OTOA: variants seen among roughly 807,000 people sequenced by gnomAD.
OTOA encodes the protein otoancorin.
Under a neutral mutation model 110.8 loss-of-function variants are expected in OTOA, and 70 were observed. The ratio of observed to expected loss-of-function variants is 0.63; its 90% CI spans 0.52 to 0.77. The LOEUF is 0.77. Among genes scored for constraint, OTOA ranks in the 30% least tolerant of loss-of-function variants. The pLI, the probability that OTOA is intolerant of heterozygous loss-of-function variation, is 0.00. For synonymous variants in OTOA, 373 were observed against 431.5 expected, an observed-to-expected ratio of 0.86 and a Z score of 1.68; for missense variants, 917 against 1,075.8, an observed-to-expected ratio of 0.85 and a Z score of 2.06.
At chr16:21,708,298 A>G (rs999467956) in intron 12 of OTOA, among the ~76,000 whole-genome samples, 2 of 152,074 alleles carry the variant, frequency 1.3e-5, no homozygotes, top group Admixed American at 6.5e-5. Flanking sequence ...ACAGTGCACA[A>G]TAGGGTTTGC....
chr16:21,721,135 G>T (rs8055838), intron 17 of OTOA, among the ~76,000 whole-genome samples: 16,155 of 150,904 alleles, frequency 0.11, 1,078 homozygotes, highest in South Asian at 0.16. Context: ...GGCTGGTCTT[G>T]AACTCCTGAC....
intron 11 of OTOA, chr16:21,704,860 G>T: frequency 1.3e-6 from 1 of 765,488 alleles, no homozygotes. Flanking sequence ...ACAAGGTGAT[G>T]CTGGGAGGTG....
At chr16:21,669,247 A>G (rs6497560) in intron 1 of OTOA, among the ~76,000 whole-genome samples, 65,335 of 151,696 alleles carry the variant, frequency 0.43, 16,081 homozygotes, top group African/African-American at 0.68. Context: ...GGAGGTTGAG[A>G]CACAAGAATC....
At chr16:21,736,437 T>C (rs1567400475) in intron 22 of OTOA, 47 bp downstream of exon 22, 14 of 1,613,200 alleles carry the variant, frequency 8.7e-6, no homozygotes, top group Non-Finnish European at 1.2e-5. Flanking sequence ...TAGTAATTAA[T>C]GTTTTGGGCA....
chr16:21,717,125 A>G, intron 15 of OTOA, 78 bp downstream of exon 15: 9 of 1,575,186 alleles, frequency 5.7e-6, no homozygotes, highest in Non-Finnish European at 7.8e-6. Flanking sequence ...TTTTAAGGTT[A>G]ATTTGATAAA....
At chr16:21,707,637 CTT>C (rs1279594397) in intron 12 of OTOA, among the ~76,000 whole-genome samples, 30 of 103,108 alleles carry the variant, frequency 2.9e-4, no homozygotes, top group Non-Finnish European at 5.7e-4. Flanking sequence ...TTCTTTCTTT[CTT>C]TCTTTCTTTC....
intron 21 of OTOA, among the ~76,000 whole-genome samples, chr16:21,731,198 T>C (rs1567396983): frequency 6.6e-6 from 1 of 152,232 alleles, no homozygotes; most frequent in Non-Finnish European, 1.5e-5. Context: ...CACTCTGCTA[T>C]TAGTGTGCAT....
intron 9 of OTOA, among the ~76,000 whole-genome samples, chr16:21,693,423 A>T (rs1344600134): frequency 6.6e-6 from 1 of 152,220 alleles, no homozygotes; most frequent in Non-Finnish European, 1.5e-5. Flanking sequence ...ATTATGTATC[A>T]ATAGCTGAAG....
chr16:21,692,321 C>T (rs1466074793), intron 9 of OTOA, among the ~76,000 whole-genome samples: 4 of 149,790 alleles, frequency 2.7e-5, no homozygotes, highest in African/African-American at 4.9e-5. Flanking sequence ...AGCGAGACTC[C>T]GTCTCGAAAA....
At chr16:21,715,556 A>G (rs1898527739) in intron 14 of OTOA, among the ~76,000 whole-genome samples, 1 of 151,004 alleles carries the variant, frequency 6.6e-6, no homozygotes, top group Non-Finnish European at 1.5e-5. Context: ...CAACCTCCTG[A>G]GTAGCTGGGA....
chr16:21,736,208 G>C, intron 21 of OTOA, 53 bp from the exon 22 acceptor site: 1 of 1,533,646 alleles, frequency 6.5e-7, no homozygotes, highest in Middle Eastern at 1.7e-4. Context: ...ATTTCAATCT[G>C]TATTTAAGGG....
rs763543175 is a variant in OTOA at position 21,678,943 on chromosome 16, G to A, written c.120G>A (p.Ala40=). ...TGCATCCATTGTTGCAAAACATGGC[G>A]GTGAGTATTCTATTTTCTGTTAATC... ...QDLHPLLQNM[A]EEIIDGSYLN... The change falls in exon 3 of 29, where the codon GCG becomes GCA. Residue 40 remains alanine, a splice_region_variant and synonymous_variant. Transcript: ENST00000646100. The A allele has an allele frequency of 1.2e-5, 19 of 1,613,718 alleles. No homozygotes were observed. Among genetic ancestry groups the A allele is most frequent in the East Asian group, 4.5e-5 (2 of 44,866 alleles).
intron 18 of OTOA, among the ~76,000 whole-genome samples, chr16:21,723,780 G>A (rs1242451887): frequency 6.6e-6 from 1 of 152,134 alleles, no homozygotes; most frequent in Non-Finnish European, 1.5e-5. Flanking sequence ...TCACTATCAG[G>A]CAAGTTGTTC....
rs180748139 is a variant in OTOA at position 21,724,729 on chromosome 16, C to T, written c.1880+1751C>T. On this transcript the variant is annotated intron_variant, in intron 18 of 28. Transcript: ENST00000646100. Reference sequence around the variant, plus strand: ...GTTTGATTATCCCCATTGTCATTCTCTTTTACAGAGCCATTTTATTTTCTT... The same window carrying T: ...GTTTGATTATCCCCATTGTCATTCTTTTTTACAGAGCCATTTTATTTTCTT... Among the ~76,000 whole-genome samples the T allele has an allele frequency of 2.0e-4, 31 of 152,150 alleles. No homozygotes were observed. The East Asian group carries it at 4.6e-3, about 23-fold the overall frequency.
intron 9 of OTOA, among the ~76,000 whole-genome samples, chr16:21,694,183 G>A (rs1315378031): frequency 6.6e-6 from 1 of 152,074 alleles, no homozygotes; most frequent in Non-Finnish European, 1.5e-5. Flanking sequence ...GCTCATGCTT[G>A]TAATCCCAGC....
chr16:21,695,891 A>ATTTTTTTTTTTTTTT lies in OTOA; in HGVS notation c.740-1879_740-1865dup, dbSNP rs386384450. Among the ~76,000 whole-genome samples, 213 of 41,876 alleles carry ATTTTTTTTTTTTTTT rather than the reference A, an allele frequency of 5.1e-3. 10 individuals carry two copies. The highest frequency in any genetic ancestry group is 6.7e-3 in the Non-Finnish European group (180 of 27,008). 27.5% of individuals were successfully genotyped at this position (41,876 alleles called of 152,430 possible). A position where few individuals can be genotyped will look rare whatever the true frequency, so the allele number is the denominator to read the frequency against. On this transcript the variant is annotated intron_variant, in intron 9 of 28. Transcript: ENST00000646100. ...GATATATATATATATATATATATAT[A>ATTTTTTTTTTTTTTT]TTTTTTTTTTTTTTTTTTTCTGAGA...
In OTOA at chr16:21,697,830, G is replaced by T. The variant is rs761754865; in HGVS notation, c.795G>T (p.Met265Ile). ...ACTTATGGGTTTTGGGCAGATACAT[G>T]GTTCACCTATCGTTTGAAGAAATTA... ...AEHLWVLGRY[M>I]VHLSFEEITK... is the part of the protein sequence containing the mutation. The change falls in exon 10 of 29, where the codon ATG (methionine) becomes ATT (isoleucine). Residue 265 changes from methionine to isoleucine, a missense_variant. By Grantham distance (10) the Met-to-Ile change is conservative. Coordinates refer to ENST00000646100, the MANE Select transcript of OTOA (RefSeq NM_144672.4). 11 of 1,614,032 alleles carry T rather than the reference G, an allele frequency of 6.8e-6. No homozygotes were observed. In the East Asian group the frequency reaches 1.8e-4, roughly 26 times the overall value.
intron 12 of OTOA, among the ~76,000 whole-genome samples, chr16:21,707,462 C>T (rs1898199275): frequency 1.3e-5 from 2 of 151,936 alleles, no homozygotes; most frequent in Non-Finnish European, 2.9e-5. Flanking sequence ...TTGTGGAAGA[C>T]AATTTTTTTC....
At chr16:21,694,076 T>C (rs898209440) in intron 9 of OTOA, among the ~76,000 whole-genome samples, 2 of 152,176 alleles carry the variant, frequency 1.3e-5, no homozygotes, top group Non-Finnish European at 2.9e-5. Context: ...TAATGGATGC[T>C]GAAATTTGCA....
Sources: gnomAD v4.1 joint callset for allele counts (sites outside exome capture counted in the v4.1 genomes callset) on GRCh38, gnomAD v4.1.1 for gene constraint, MANE v1.5 for transcripts, NCBI Gene and HGNC (gene_info 2026-07-23, HGNC 2026-07-21) for gene names.